The following BMPR1B variants were observed in gnomAD, a reference collection of about 807,000 sequenced individuals.
BMPR1B encodes bone morphogenetic protein receptor type 1B, also known as bone morphogenetic protein receptor type-1B.
BMPR1B carries 12 observed loss-of-function variants against 59.1 expected under a neutral mutation model. The observed-to-expected ratio is 0.20, with a 90% CI of 0.13 to 0.33. BMPR1B has a LOEUF of 0.33. Ranked by LOEUF, BMPR1B falls within the 10% of genes least tolerant of loss-of-function variation. BMPR1B has a pLI of 1.00. For synonymous variants in BMPR1B, 237 were observed against 207.3 expected, an observed-to-expected ratio of 1.14 and a Z score of -1.23; for missense variants, 550 against 610.9, an observed-to-expected ratio of 0.90 and a Z score of 1.05.
chr4:94,789,092 A>G (rs1315766585), intron 1 of BMPR1B, among the ~76,000 whole-genome samples: 1 of 152,204 alleles, frequency 6.6e-6, no homozygotes, highest in Non-Finnish European at 1.5e-5. Flanking sequence ...GCAGAGTGGC[A>G]GGAAGCACAA....
Position 95,155,652 on chromosome 4 carries a change from C to G in BMPR1B, c.*979C>G, listed in dbSNP as rs975163524. ...TTGTGTTGTAAGAGGAACATGTCAACAAAGATAGGAAATGAGGGTGATCGT... is the reference window on the plus strand; with the variant it reads ...TTGTGTTGTAAGAGGAACATGTCAAGAAAGATAGGAAATGAGGGTGATCGT... On this transcript the variant is annotated 3_prime_UTR_variant, in exon 13 of 13. Transcript: ENST00000515059. 4.6e-5 allele frequency: 7 copies of G among 151,652 alleles called. No homozygotes were observed. Among genetic ancestry groups the G allele is most frequent in the African/African-American group, 1.7e-4 (7 of 41,228 alleles). 9.4% of individuals were successfully genotyped at this position (151,652 alleles called of 1,614,324 possible). A position where few individuals can be genotyped will look rare whatever the true frequency, so the allele number is the denominator to read the frequency against.
At chr4:94,862,899 C>T (rs774546924) in intron 1 of BMPR1B, among the ~76,000 whole-genome samples, 5 of 148,800 alleles carry the variant, frequency 3.4e-5, no homozygotes, top group Non-Finnish European at 7.4e-5. Flanking sequence ...GAGCCGAGAT[C>T]GCGCCTCTGC....
chr4:94,784,146 T>G (rs1031738542), intron 1 of BMPR1B, among the ~76,000 whole-genome samples: 1 of 152,156 alleles, frequency 6.6e-6, no homozygotes, highest in Non-Finnish European at 1.5e-5. Context: ...TTTACTTGTA[T>G]GGTTGTTTTG....
intron 1 of BMPR1B, among the ~76,000 whole-genome samples, chr4:94,874,127 A>G (rs1258735663): frequency 6.6e-6 from 1 of 152,138 alleles, no homozygotes; most frequent in East Asian, 1.9e-4. Context: ...AATATTTTAT[A>G]TATATATGTG....
At chr4:94,818,303 A>ATATATT in intron 1 of BMPR1B, among the ~76,000 whole-genome samples, 3 of 152,172 alleles carry the variant, frequency 2.0e-5, no homozygotes, top group Non-Finnish European at 4.4e-5. Context: ...GGGCTCTACT[A>ATATATT]AGTATCTTAT....
chr4:94,828,937 A>T lies in BMPR1B; in HGVS notation c.-182-46894A>T, dbSNP rs1054415205. On this transcript the variant is annotated intron_variant, in intron 1 of 12. Coordinates refer to ENST00000515059, the MANE Select transcript of BMPR1B (RefSeq NM_001203.3). Reference sequence around the variant, plus strand: ...GAAGGCCCTTCTATTCTGAGTAGTGATATTTAGGTGTCAAGTTTTTATGCT... The same window carrying T: ...GAAGGCCCTTCTATTCTGAGTAGTGTTATTTAGGTGTCAAGTTTTTATGCT... 1.3e-5 allele frequency among the ~76,000 whole-genome samples: 2 copies of T among 151,882 alleles called. 1 individual carries two copies. The highest frequency in any genetic ancestry group is 2.9e-5 in the Non-Finnish European group (2 of 67,996).
intron 3 of BMPR1B, among the ~76,000 whole-genome samples, chr4:95,003,731 A>C (rs1463505696): frequency 2.0e-5 from 3 of 151,988 alleles, no homozygotes; most frequent in Non-Finnish European, 4.4e-5. Flanking sequence ...AATGTAAAGT[A>C]ACATGATAAC....
chr4:94,863,288 T>C (rs1726074009), intron 1 of BMPR1B, among the ~76,000 whole-genome samples: 1 of 152,106 alleles, frequency 6.6e-6, no homozygotes, highest in African/African-American at 2.4e-5. Context: ...ACACACAATT[T>C]ATCTATAGAA....
At chr4:95,097,008 T>TTA (rs1261320437) in intron 3 of BMPR1B, among the ~76,000 whole-genome samples, 1 of 144,404 alleles carries the variant, frequency 6.9e-6, no homozygotes, top group Non-Finnish European at 1.5e-5. Flanking sequence ...ATGATATAAA[T>TTA]TGTATATTAT....
intron 1 of BMPR1B, among the ~76,000 whole-genome samples, chr4:94,813,813 G>A (rs903664111): frequency 6.6e-6 from 1 of 152,114 alleles, no homozygotes; most frequent in Non-Finnish European, 1.5e-5. Flanking sequence ...CAGACTGTAT[G>A]TCCTGATGGA....
chr4:95,142,178 C>T (rs1012727952), intron 10 of BMPR1B, among the ~76,000 whole-genome samples: 2 of 152,108 alleles, frequency 1.3e-5, no homozygotes, highest in African/African-American at 2.4e-5. Flanking sequence ...CAGAAAACTC[C>T]CCTTATTGGT....
chr4:94,783,799 A>G (rs1213970495), intron 1 of BMPR1B, among the ~76,000 whole-genome samples: 1 of 152,122 alleles, frequency 6.6e-6, no homozygotes, highest in African/African-American at 2.4e-5. Flanking sequence ...GGAGGAAGGA[A>G]GCTCTGACCA....
At chr4:94,903,527 T>A (rs9998750) in intron 2 of BMPR1B, among the ~76,000 whole-genome samples, 28,893 of 151,042 alleles carry the variant, frequency 0.19, 3,125 homozygotes, top group African/African-American at 0.31. Flanking sequence ...TTTTTTTTTT[T>A]AAAAAGACAA....
chr4:94,913,240 C>T (rs1395619871), intron 2 of BMPR1B, among the ~76,000 whole-genome samples: 1 of 152,036 alleles, frequency 6.6e-6, no homozygotes, highest in Non-Finnish European at 1.5e-5. Flanking sequence ...CTTTTTATCT[C>T]TTTCAACAAC....
At chr4:95,136,919 GCT>G (rs1733837935) in intron 10 of BMPR1B, among the ~76,000 whole-genome samples, 1 of 151,980 alleles carries the variant, frequency 6.6e-6, no homozygotes, top group Non-Finnish European at 1.5e-5. Flanking sequence ...CTTCAGTTCT[GCT>G]CTGATCTTAG....
At chr4:94,772,080 A>C (rs990546087) in intron 1 of BMPR1B, among the ~76,000 whole-genome samples, 3 of 152,218 alleles carry the variant, frequency 2.0e-5, no homozygotes, top group Admixed American at 6.5e-5. Flanking sequence ...ACTCTAGGTC[A>C]TCATCTGTAA....
intron 3 of BMPR1B, among the ~76,000 whole-genome samples, chr4:95,033,479 A>G (rs182470869): frequency 8.5e-5 from 13 of 152,250 alleles, no homozygotes; most frequent in Non-Finnish European, 1.6e-4. Context: ...ATGGTATAAG[A>G]TAAGTCTCCA....
intron 2 of BMPR1B, among the ~76,000 whole-genome samples, chr4:94,920,928 A>G (rs184283744): frequency 6.6e-6 from 1 of 152,306 alleles, no homozygotes; most frequent in Admixed American, 6.5e-5. Context: ...ATCTGTGAAC[A>G]TTTAGTCCTG....
chr4:95,102,658 A>G (rs904269562), intron 3 of BMPR1B, among the ~76,000 whole-genome samples: 8 of 152,168 alleles, frequency 5.3e-5, no homozygotes, highest in African/African-American at 1.9e-4. Flanking sequence ...TGGCATAGCA[A>G]GCGGTGCTGC....
Sources: gnomAD v4.1 joint callset for allele counts (sites outside exome capture counted in the v4.1 genomes callset) on GRCh38, gnomAD v4.1.1 for gene constraint, MANE v1.5 for transcripts, NCBI Gene and HGNC (gene_info 2026-07-23, HGNC 2026-07-21) for gene names.